Variants in SPECC1 observed in about 807,000 individuals in gnomAD.
SPECC1 encodes cytospin-B.
Under a neutral mutation model 104.1 loss-of-function variants are expected in SPECC1, and 62 were observed. The ratio of observed to expected loss-of-function variants is 0.60; its 90% CI spans 0.49 to 0.74. The LOEUF (loss-of-function observed/expected upper bound fraction) is 0.74. Ranked by LOEUF, SPECC1 falls within the 30% of genes least tolerant of loss-of-function variation. The pLI is 0.00. For synonymous variants in SPECC1, 513 were observed against 501.6 expected (o/e 1.02, Z -0.30); for missense variants, 1,306 against 1,310.5 (o/e 1.00, Z 0.05).
chr17:20,176,252 A>G (rs1477448022), intron 3 of SPECC1, among the ~76,000 whole-genome samples: 5 of 152,010 alleles, frequency 3.3e-5, no homozygotes, highest in African/African-American at 4.8e-5. Flanking sequence ...TAAATGTTAA[A>G]TAAATTATCA....
intron 12 of SPECC1, among the ~76,000 whole-genome samples, chr17:20,293,399 T>A (rs1029322145): frequency 1.3e-5 from 2 of 152,196 alleles, no homozygotes; most frequent in African/African-American, 4.8e-5. Flanking sequence ...CTCTTCATCC[T>A]GCCTCTCCTT....
At chr17:20,073,273 G>T (rs2046631583) in intron 1 of SPECC1, among the ~76,000 whole-genome samples, 1 of 151,932 alleles carries the variant, frequency 6.6e-6, no homozygotes, top group South Asian at 2.1e-4. Context: ...GAAGCTTCAG[G>T]GTAAATCCAT....
chr17:20,264,834 TAC>T (rs2040163956), intron 12 of SPECC1, among the ~76,000 whole-genome samples: 1 of 152,200 alleles, frequency 6.6e-6, no homozygotes, highest in Non-Finnish European at 1.5e-5. Context: ...TATCCATATG[TAC>T]TCAACGTTTA....
At chr17:20,067,919 A>G (rs2046415297) in intron 1 of SPECC1, among the ~76,000 whole-genome samples, 3 of 151,800 alleles carry the variant, frequency 2.0e-5, no homozygotes, top group Admixed American at 2.0e-4. Context: ...TGTTTGTGTG[A>G]ATTCCCCTCT....
At chr17:20,055,155 G>T (rs2045914773) in intron 1 of SPECC1, among the ~76,000 whole-genome samples, 2 of 151,992 alleles carry the variant, frequency 1.3e-5, no homozygotes, top group South Asian at 4.1e-4. Context: ...TCTATTTTTG[G>T]TATCTCATAT....
chr17:20,019,000 T>C (rs1446549418), intron 1 of SPECC1, among the ~76,000 whole-genome samples: 1 of 152,040 alleles, frequency 6.6e-6, no homozygotes, highest in Non-Finnish European at 1.5e-5. Context: ...TCTTTCCAGG[T>C]TGGATGGTGG....
intron 4 of SPECC1, among the ~76,000 whole-genome samples, chr17:20,222,792 T>C (rs903376422): frequency 6.6e-6 from 1 of 152,226 alleles, no homozygotes; most frequent in Non-Finnish European, 1.5e-5. Context: ...GCATTTCTTG[T>C]CTGCTGTTGA....
intron 3 of SPECC1, among the ~76,000 whole-genome samples, chr17:20,129,935 G>A (rs866794572): frequency 1.4e-4 from 21 of 151,418 alleles, no homozygotes; most frequent in African/African-American, 4.6e-4. Context: ...TGTATTTTTA[G>A]TAGAAACTGG....
At chr17:20,230,045 G>A (rs551394852) in intron 5 of SPECC1, among the ~76,000 whole-genome samples, 1 of 152,182 alleles carries the variant, frequency 6.6e-6, no homozygotes, top group Non-Finnish European at 1.5e-5. Flanking sequence ...TACTTGCTAA[G>A]TGTTATTCAG....
intron 3 of SPECC1, among the ~76,000 whole-genome samples, chr17:20,126,235 A>C (rs576371869): frequency 6.7e-6 from 1 of 150,270 alleles, no homozygotes; most frequent in African/African-American, 2.5e-5. Context: ...CTTTTTGTTG[A>C]GTTTATACCT....
rs369385253 is a variant in SPECC1, at chr17:20,303,468, G to C, written c.3058-2555G>C. 4.6e-5 allele frequency among the ~76,000 whole-genome samples: 7 copies of C among 152,238 alleles called. No homozygotes were observed. The East Asian group carries it at 9.6e-4, about 21-fold the overall frequency. Reference sequence around the variant, plus strand: ...CCACAGACTGGAAGAAAATGTGGTGGCTACATCTTTCTGTTTTTTTGGTGA... The same window carrying C: ...CCACAGACTGGAAGAAAATGTGGTGCCTACATCTTTCTGTTTTTTTGGTGA... On this transcript the variant is annotated intron_variant, in intron 13 of 14. Transcript: ENST00000395527.
intron 4 of SPECC1, among the ~76,000 whole-genome samples, chr17:20,219,091 A>C (rs2037696741): frequency 6.6e-6 from 1 of 152,192 alleles, no homozygotes; most frequent in South Asian, 2.1e-4. Flanking sequence ...GGCTATTGTA[A>C]ATAGTGCTGC....
At chr17:20,086,868 G>A (rs1016430365) in intron 1 of SPECC1, among the ~76,000 whole-genome samples, 6 of 152,178 alleles carry the variant, frequency 3.9e-5, no homozygotes, top group African/African-American at 1.4e-4. Flanking sequence ...GGTGGGTGGG[G>A]CAGCATGCCC....
chr17:20,166,424 C>G (rs1363695509), intron 3 of SPECC1, among the ~76,000 whole-genome samples: 2 of 152,066 alleles, frequency 1.3e-5, no homozygotes, highest in East Asian at 1.9e-4. Context: ...TGCAATAAAA[C>G]TGTAAATAAT....
At chr17:20,194,502 A>ATTATTATTATTATTTTTTT in intron 3 of SPECC1, among the ~76,000 whole-genome samples, 1 of 86,566 alleles carries the variant, frequency 1.2e-5, no homozygotes, top group African/African-American at 5.3e-5. Context: ...AAGAGAACGA[A>ATTATTATTATTATTTTTTT]TTTTTTTTTT....
In SPECC1 at chr17:20,204,961, A is replaced by G; in HGVS notation, c.912A>G (p.Ile304Met). 1 of 1,614,164 alleles carries G rather than the reference A, an allele frequency of 6.2e-7. No individual in the cohort carries two copies. The highest frequency in any genetic ancestry group is 1.1e-5 in the South Asian group (1 of 91,088). The change falls in exon 4 of 15, where the codon ATA (isoleucine) becomes ATG (methionine). Residue 304 changes from isoleucine (I) to methionine (M), a missense_variant. Ile to Met is a conservative substitution (Grantham distance 10, BLOSUM62 1). Around this residue, in one of 2 missense-constraint regions of SPECC1, gnomAD observed 1,177 missense variants for 1,139.9 expected, o/e 1.03. Transcript: ENST00000395527. ...SSDIDEYKKNIHGNALRTSGS... is the reference protein window; with the variant it reads ...SSDIDEYKKNMHGNALRTSGS... ...ACATTGATGAGTATAAAAAAAACAT[A>G]CATGGAAATGCATTACGGACATCAG...
At chr17:20,304,077 G>A (rs1438889143) in intron 13 of SPECC1, among the ~76,000 whole-genome samples, 3 of 131,554 alleles carry the variant, frequency 2.3e-5, no homozygotes, top group Non-Finnish European at 4.6e-5. Flanking sequence ...TTCGAAACTA[G>A]CCTGGTCAAC....
At chr17:20,056,559 G>A in intron 1 of SPECC1, 1 of 214,418 alleles carries the variant, frequency 4.7e-6, no homozygotes, top group Non-Finnish European at 1.0e-5. Context: ...GACCCTGGGA[G>A]AGTCTGGGAG....
chr17:20,271,472 C>T (rs142249133), intron 12 of SPECC1, among the ~76,000 whole-genome samples: 3 of 151,876 alleles, frequency 2.0e-5, no homozygotes, highest in African/African-American at 7.3e-5. Context: ...GCAGCTTTTT[C>T]TTTTACACAA....
Sources: allele counts gnomAD v4.1 joint callset (sites outside exome capture counted in the v4.1 genomes callset), GRCh38; gene constraint gnomAD v4.1.1; regional missense constraint gnomAD v4.1.1; transcripts MANE v1.5; gene names NCBI Gene and HGNC (gene_info 2026-07-23, HGNC 2026-07-21).